The following TTC6 variants were observed in gnomAD, a reference collection of about 807,000 sequenced individuals.
TTC6 encodes the protein tetratricopeptide repeat domain 6.
TTC6 carries 172 observed loss-of-function variants against 210.4 expected under a neutral mutation model. The observed-to-expected ratio is 0.82, with a 90% CI of 0.72 to 0.93. The LOEUF (loss-of-function observed/expected upper bound fraction) is 0.93, where lower values mean the gene tolerates loss of function less well. Ranked by LOEUF, TTC6 falls within the 40% of genes least tolerant of loss-of-function variation. The pLI, the probability that TTC6 is intolerant of heterozygous loss-of-function variation, is 0.00. For missense variants in TTC6, 2,414 were observed against 2,318.1 expected, an observed-to-expected ratio of 1.04 and a Z score of -0.85; for synonymous variants, 804 against 819.6, an observed-to-expected ratio of 0.98 and a Z score of 0.32.
chr14:37,701,554 T>C, intron 5 of TTC6, 28 bp downstream of exon 7: 1 of 1,421,122 alleles, frequency 7.0e-7, no homozygotes, highest in Non-Finnish European at 9.2e-7. Flanking sequence ...AATTTGATTT[T>C]AAGCTAAATG....
At chr14:37,651,167 T>G (rs1222956876) in intron 1 of TTC6, among the ~76,000 whole-genome samples, 1 of 151,962 alleles carries the variant, frequency 6.6e-6, no homozygotes, top group Non-Finnish European at 1.5e-5. Context: ...TTTTCTTTAC[T>G]TAGTTGTTAC....
At chr14:37,596,374 C>T (rs548482642) in intron 1 of TTC6, among the ~76,000 whole-genome samples, 55 of 152,404 alleles carry the variant, frequency 3.6e-4, no homozygotes, top group African/African-American at 1.3e-3. Context: ...AGACTGCCCG[C>T]AGCGGCGCTT....
At chr14:37,639,425 T>C (rs147979037) in intron 1 of TTC6, among the ~76,000 whole-genome samples, 1 of 152,352 alleles carries the variant, frequency 6.6e-6, no homozygotes, top group African/African-American at 2.4e-5. Flanking sequence ...TAACAGCTTA[T>C]GCTAGCACAA....
At chr14:37,736,255 G>A (rs1479301022) in intron 8 of TTC6, among the ~76,000 whole-genome samples, 1 of 152,054 alleles carries the variant, frequency 6.6e-6, no homozygotes, top group Non-Finnish European at 1.5e-5. Context: ...GGATGTGGTG[G>A]CACGTGCCTG....
Position 37,826,179 on chromosome 14 carries a change from T to A in TTC6, c.4975-16T>A, listed in dbSNP as rs1566977014. 1 of 1,587,516 alleles carries A rather than the reference T, an allele frequency of 6.3e-7. No individual in the cohort carries two copies. Among genetic ancestry groups the A allele is most frequent in the Admixed American group, 1.9e-5 (1 of 53,416 alleles). ...TGGAGTATTTCCTACTTCGTGTAAT[T>A]GGAAAATTATTTTAGGCCCAAGGAA... On this transcript the variant is annotated splice_polypyrimidine_tract_variant and intron_variant, in intron 27 of 30. Transcript: ENST00000553443.
chr14:37,841,025 T>C (rs755234726), intron 29 of TTC6, among the ~76,000 whole-genome samples: 39 of 152,072 alleles, frequency 2.6e-4, no homozygotes, highest in Admixed American at 9.2e-4. Flanking sequence ...CCTGCCACCA[T>C]GCCCAGCTAA....
At chr14:37,664,555 GA>G (rs1294168551) in intron 1 of TTC6, among the ~76,000 whole-genome samples, 1 of 150,586 alleles carries the variant, frequency 6.6e-6, no homozygotes, top group African/African-American at 2.4e-5. Flanking sequence ...GACCCTAGAA[GA>G]AAATCTAGGC....
At chr14:37,747,676 C>G (rs8018013) in intron 10 of TTC6, among the ~76,000 whole-genome samples, 138,902 of 152,166 alleles carry the variant, frequency 0.91, 64,768 homozygotes, top group East Asian at 1. Context: ...AGAGACCAGG[C>G]GATCCTAAGG....
At chr14:37,775,653 G>T (rs1011184117) in intron 14 of TTC6, among the ~76,000 whole-genome samples, 33 of 152,102 alleles carry the variant, frequency 2.2e-4, no homozygotes, top group Non-Finnish European at 4.3e-4. Flanking sequence ...CAAATGTCAG[G>T]TTCAATTCCT....
chr14:37,597,788 G>T (rs1222628289), intron 1 of TTC6, among the ~76,000 whole-genome samples: 1 of 152,100 alleles, frequency 6.6e-6, no homozygotes, highest in Non-Finnish European at 1.5e-5. Flanking sequence ...GGGGAGCACC[G>T]CCAGGCGATA....
intron 2 of TTC6, among the ~76,000 whole-genome samples, chr14:37,680,520 G>A (rs1213598902): frequency 1.3e-5 from 2 of 152,074 alleles, no homozygotes; most frequent in East Asian, 3.9e-4. Context: ...CTGATTTAGA[G>A]ACATTTAGAT....
At chr14:37,834,215 C>T (rs2096192617) in intron 29 of TTC6, among the ~76,000 whole-genome samples, 2 of 152,086 alleles carry the variant, frequency 1.3e-5, no homozygotes, top group Admixed American at 6.5e-5. Context: ...CTTCCTGTAT[C>T]TATATGTATA....
chr14:37,710,684 CAT>C (rs1255053358), intron 5 of TTC6, among the ~76,000 whole-genome samples: 1 of 152,112 alleles, frequency 6.6e-6, no homozygotes, highest in Non-Finnish European at 1.5e-5. Flanking sequence ...GAAGAGGAAA[CAT>C]AGCACAGTGA....
At chr14:37,599,063 T>C (rs368777925) in intron 1 of TTC6, among the ~76,000 whole-genome samples, 2 of 151,890 alleles carry the variant, frequency 1.3e-5, no homozygotes, top group East Asian at 3.9e-4. Flanking sequence ...AGCTTAGAAG[T>C]GAGGAAGGCC....
In TTC6 at chr14:37,688,802, A is replaced by T. The variant is rs554299924; in HGVS notation, c.1257+5838A>T. Among the ~76,000 whole-genome samples, 3 of 152,160 alleles carry T rather than the reference A, an allele frequency of 2.0e-5. No homozygotes were observed. In the South Asian group the frequency reaches 6.2e-4, roughly 32 times the overall value. On this transcript the variant is annotated intron_variant, in intron 3 of 30. Transcript: ENST00000553443. ...GATACAGCTGAGATCACAACACCCA[A>T]CTCCTTTTGAATATCTGGAAAGCCT...
chr14:37,698,421 A>T (rs1226181857), intron 4 of TTC6, among the ~76,000 whole-genome samples: 1 of 152,176 alleles, frequency 6.6e-6, no homozygotes, highest in African/African-American at 2.4e-5. Context: ...AATCTCAAAC[A>T]CATTCCACTA....
At chr14:37,756,960 C>T (rs2095969802) in intron 14 of TTC6, among the ~76,000 whole-genome samples, 1 of 152,150 alleles carries the variant, frequency 6.6e-6, no homozygotes, top group Middle Eastern at 3.2e-3. Flanking sequence ...TAGAATTCGT[C>T]TGTGAATCTG....
upstream of TTC6, among the ~76,000 whole-genome samples, chr14:37,620,394 C>T (rs753334300): frequency 1.6e-4 from 25 of 152,048 alleles, no homozygotes; most frequent in Non-Finnish European, 2.9e-4. Flanking sequence ...ACTTCTAGTT[C>T]ATTGTATTTT....
intron 1 of TTC6, among the ~76,000 whole-genome samples, chr14:37,646,533 A>G (rs2095702057): frequency 6.6e-6 from 1 of 152,196 alleles, no homozygotes; most frequent in African/African-American, 2.4e-5. Context: ...AGGGTAAAAC[A>G]AAAACAACAG....
Sources: gnomAD v4.1 joint callset for allele counts (sites outside exome capture counted in the v4.1 genomes callset) on GRCh38, gnomAD v4.1.1 for gene constraint, MANE v1.5 for transcripts, NCBI Gene and HGNC (gene_info 2026-07-23, HGNC 2026-07-21) for gene names.